Variants in CHST11 observed in about 807,000 individuals in gnomAD.
CHST11 encodes the protein carbohydrate sulfotransferase 11.
CHST11 carries 9 observed loss-of-function variants against 30.4 expected under a neutral mutation model. The observed-to-expected ratio is 0.30, with a 90% CI of 0.18 to 0.52. The LOEUF (loss-of-function observed/expected upper bound fraction) is 0.52. Among genes scored for constraint, CHST11 ranks in the 20% least tolerant of loss-of-function variants. CHST11 has a pLI of 0.97. For missense variants in CHST11, 348 were observed against 460.6 expected (o/e 0.76, Z 2.24); for synonymous variants, 152 against 187.8 (o/e 0.81, Z 1.56).
rs2038403357 is a variant in CHST11 at position 104,551,360 on chromosome 12, G to C, written c.119-50546G>C. Among the ~76,000 whole-genome samples the C allele has an allele frequency of 2.0e-5, 3 of 152,128 alleles. No individual in the cohort carries two copies. In the South Asian group the frequency reaches 6.2e-4, roughly 31 times the overall value. On this transcript the variant is annotated intron_variant, in intron 1 of 2. Coordinates refer to ENST00000303694, the MANE Select transcript of CHST11 (RefSeq NM_018413.6). ...AAACGCTGACAGCATCATTCCACCA[G>C]GTAGTGTGCAGGGAAGTTGGCTGGT...
chr12:104,664,029 C>A (rs918042554), intron 2 of CHST11, among the ~76,000 whole-genome samples: 9 of 152,192 alleles, frequency 5.9e-5, no homozygotes, highest in Admixed American at 5.2e-4. Flanking sequence ...GAGATAGGGA[C>A]CTCCATCTTA....
At chr12:104,538,693 A>G (rs982189184) in intron 1 of CHST11, among the ~76,000 whole-genome samples, 1 of 152,230 alleles carries the variant, frequency 6.6e-6, no homozygotes, top group South Asian at 2.1e-4. Flanking sequence ...TGTAAACAAT[A>G]TAGGTTAATT....
rs895225311 is a variant in CHST11 at position 104,676,021 on chromosome 12, C to G, written c.204+74030C>G. On this transcript the variant is annotated intron_variant, in intron 2 of 2. Coordinates refer to ENST00000303694, the MANE Select transcript of CHST11 (RefSeq NM_018413.6). The surrounding 1 kb of genome is among the most constrained non-coding windows in gnomAD (Gnocchi z 4.4). ...TACATCCCCGCATGCCTCGACTGGT[C>G]AACTCCTATAATTCTGTCTGCATAG... Among the ~76,000 whole-genome samples, 1 of 152,198 alleles carries G rather than the reference C, an allele frequency of 6.6e-6. No individual in the cohort carries two copies. The highest frequency in any genetic ancestry group is 2.4e-5 in the African/African-American group (1 of 41,442).
chr12:104,586,514 T>C (rs1009131355), intron 1 of CHST11, among the ~76,000 whole-genome samples: 1 of 152,220 alleles, frequency 6.6e-6, no homozygotes, highest in Non-Finnish European at 1.5e-5. Context: ...CCGCCATGCT[T>C]GAGTAGCTTA....
At chr12:104,525,107 T>C (rs1592745723) in intron 1 of CHST11, among the ~76,000 whole-genome samples, 1 of 23,942 alleles carries the variant, frequency 4.2e-5, no homozygotes, top group African/African-American at 1.8e-4. Flanking sequence ...TTTTTCTTTC[T>C]TTTTTTTTTT....
intron 2 of CHST11, among the ~76,000 whole-genome samples, chr12:104,744,577 T>C (rs1166691823): frequency 1.3e-5 from 2 of 152,234 alleles, no homozygotes; most frequent in Non-Finnish European, 2.9e-5. Flanking sequence ...GTTGATAGTT[T>C]CTTTTGCTGT....
intron 1 of CHST11, among the ~76,000 whole-genome samples, chr12:104,566,652 A>T (rs1428297180): frequency 6.6e-6 from 1 of 152,114 alleles, no homozygotes; most frequent in African/African-American, 2.4e-5. Context: ...ACTCCTTTGA[A>T]CCCATGAGTG....
At chr12:104,591,873 G>C (rs1020036954) in intron 1 of CHST11, among the ~76,000 whole-genome samples, 2 of 151,858 alleles carry the variant, frequency 1.3e-5, no homozygotes, top group Non-Finnish European at 2.9e-5. Flanking sequence ...AATAAAACTT[G>C]TCTCGGTTTT....
In CHST11 at chr12:104,485,297, C is replaced by T. The variant is rs145068381; in HGVS notation, c.118+27768C>T. Among the ~76,000 whole-genome samples, 12 of 152,252 alleles carry T rather than the reference C, an allele frequency of 7.9e-5. No homozygotes were observed. In the East Asian group the frequency reaches 9.6e-4, roughly 12 times the overall value. ...TGGAAGATTGACTCTTATAAAAAAT[C>T]GGGAACACGAAGGCACGACAGCAAA... On this transcript the variant is annotated intron_variant, in intron 1 of 2. Transcript: ENST00000303694.
intron 1 of CHST11, among the ~76,000 whole-genome samples, chr12:104,528,022 C>T (rs138929044): frequency 3.8e-3 from 573 of 152,272 alleles, no homozygotes; most frequent in Non-Finnish European, 5.5e-3. Flanking sequence ...TCCCTTGACA[C>T]GTGGGGACTA....
At position 104,570,693 on chromosome 12, in the gene CHST11, C is replaced by CTTTTT. The variant is rs55750051; in HGVS notation, c.119-31202_119-31198dup. On this transcript the variant is annotated intron_variant, in intron 1 of 2. Transcript: ENST00000303694. ...GTTTCAGTATATGTAAGCCACTGCA[C>CTTTTT]TTTTTTTTTTTTTTTGAGACTGAGT... Among the ~76,000 whole-genome samples the CTTTTT allele has an allele frequency of 1.8e-4, 26 of 141,374 alleles. 1 individual carries two copies. The highest frequency in any genetic ancestry group is 2.6e-4 in the Non-Finnish European group (17 of 64,918). The allele number at this position is 141,374 out of a possible 152,430, so 92.7% of individuals were successfully genotyped here.
chr12:104,718,226 G>A (rs1167864826), intron 2 of CHST11, among the ~76,000 whole-genome samples: 1 of 152,200 alleles, frequency 6.6e-6, no homozygotes, highest in African/African-American at 2.4e-5. Context: ...GACAGCTGTG[G>A]TACAGAGGGG....
At position 104,610,792 on chromosome 12, in the gene CHST11, G is replaced by A. The variant is rs142142492; in HGVS notation, c.204+8801G>A. 3.0e-3 allele frequency among the ~76,000 whole-genome samples: 454 copies of A among 152,300 alleles called. 2 individuals are homozygous for A. Among genetic ancestry groups the A allele is most frequent in the African/African-American group, 0.01 (423 of 41,558 alleles). Reference sequence around the variant, plus strand: ...GGGTCTGATGGACCACGCAGATCTCGGGAGAGTTTCCACCCCATCTTCACA... The same window carrying A: ...GGGTCTGATGGACCACGCAGATCTCAGGAGAGTTTCCACCCCATCTTCACA... On this transcript the variant is annotated intron_variant, in intron 2 of 2. Transcript: ENST00000303694.
chr12:104,706,910 GA>G (rs1284338818), intron 2 of CHST11, among the ~76,000 whole-genome samples: 3 of 152,152 alleles, frequency 2.0e-5, no homozygotes, highest in Non-Finnish European at 4.4e-5. Context: ...AAGGGGTCGG[GA>G]GGAGGATGGG....
chr12:104,562,120 A>G (rs1319401742), intron 1 of CHST11, among the ~76,000 whole-genome samples: 1 of 152,040 alleles, frequency 6.6e-6, no homozygotes, highest in Non-Finnish European at 1.5e-5. Context: ...TGCCACTGAC[A>G]TGGAGGGGAC....
chr12:104,591,185 C>T (rs1024560101), intron 1 of CHST11, among the ~76,000 whole-genome samples: 2 of 151,876 alleles, frequency 1.3e-5, no homozygotes, highest in African/African-American at 2.4e-5. Flanking sequence ...CAGAGGCAGG[C>T]GGGGCTATAT....
At chr12:104,589,258 A>G (rs1406509068) in intron 1 of CHST11, among the ~76,000 whole-genome samples, 1 of 151,808 alleles carries the variant, frequency 6.6e-6, no homozygotes, top group Non-Finnish European at 1.5e-5. Context: ...AAAATTAGTC[A>G]ATGATGGTGG....
chr12:104,518,908 A>G (rs1359928162), intron 1 of CHST11, among the ~76,000 whole-genome samples: 1 of 151,544 alleles, frequency 6.6e-6, no homozygotes, highest in Admixed American at 6.6e-5. Context: ...TCTTTGAAAG[A>G]TGGTGTTATG....
intron 1 of CHST11, among the ~76,000 whole-genome samples, chr12:104,509,207 G>T (rs2037938176): frequency 6.6e-6 from 1 of 152,124 alleles, no homozygotes; most frequent in Admixed American, 6.6e-5. Context: ...TCTATAAGGG[G>T]GAGTTTCCCT....
Sources: allele counts gnomAD v4.1 joint callset (sites outside exome capture counted in the v4.1 genomes callset), GRCh38; gene constraint gnomAD v4.1.1; non-coding constraint Gnocchi (gnomAD v3.1); transcripts MANE v1.5; gene names NCBI Gene and HGNC (gene_info 2026-07-23, HGNC 2026-07-21).